COL4A5: variants seen among roughly 807,000 people sequenced by gnomAD.
COL4A5 encodes the protein collagen type IV alpha 5 chain.
A neutral mutation model predicts 130.2 loss-of-function variants in COL4A5; 26 were observed. That is an observed-to-expected ratio of 0.20 (90% CI 0.15 to 0.28). The LOEUF is 0.28. Among genes scored for constraint, COL4A5 ranks in the 10% least tolerant of loss-of-function variants. COL4A5 has a pLI of 1.00. For missense variants in COL4A5, 1,131 were observed against 1,344.3 expected, an observed-to-expected ratio of 0.84 and a Z score of 2.48; for synonymous variants, 496 against 439.6, an observed-to-expected ratio of 1.13 and a Z score of -1.60.
chrX:108,468,914 C>T (rs987033919), intron 1 of COL4A5, among the ~76,000 whole-genome samples: 6 of 110,385 alleles, frequency 5.4e-5, no homozygotes, highest in Non-Finnish European at 9.5e-5. Flanking sequence ...TGGAAGAGTG[C>T]GAGAGTAATT....
intron 1 of COL4A5, among the ~76,000 whole-genome samples, chrX:108,487,444 A>T (rs1312348871): frequency 1.8e-5 from 2 of 109,092 alleles, no homozygotes; most frequent in African/African-American, 6.7e-5. Flanking sequence ...CAGCACATTC[A>T]CACCAACATC....
At chrX:108,502,201 C>T (rs904150986) in intron 1 of COL4A5, among the ~76,000 whole-genome samples, 1 of 112,528 alleles carries the variant, frequency 8.9e-6, no homozygotes, top group Non-Finnish European at 1.9e-5. Flanking sequence ...ATAGTTCTGA[C>T]AGTGGGATTG....
chrX:108,465,887 A>C (rs1015453295), intron 1 of COL4A5, among the ~76,000 whole-genome samples: 1 of 111,177 alleles, frequency 9.0e-6, no homozygotes, highest in Non-Finnish European at 1.9e-5. Context: ...ATGTTATGTG[A>C]CCACTTCTAC....
At chrX:108,644,919 C>CAAAAAAAAAAAAAA (rs778790757) in intron 36 of COL4A5, among the ~76,000 whole-genome samples, 1 of 47,542 alleles carries the variant, frequency 2.1e-5, no homozygotes, top group Non-Finnish European at 5.2e-5. Context: ...ACAACAACAA[C>CAAAAAAAAAAAAAA]AAAAAAAAAA....
At chrX:108,677,063 A>C (rs2068317247) in intron 43 of COL4A5, 1 of 113,103 alleles carries the variant, frequency 8.8e-6, no homozygotes, top group Non-Finnish European at 1.9e-5. Flanking sequence ...CAGTCTCCTC[A>C]GTCTTACGGA....
Position 108,586,649 on chromosome X carries a change from G to C in COL4A5, c.1067G>C (p.Gly356Ala), listed in dbSNP as rs774398576. 1.7e-6 allele frequency: 2 copies of C among 1,204,689 alleles called. No homozygotes were observed. The highest frequency in any genetic ancestry group is 3.5e-5 in the South Asian group (2 of 56,609). The change falls in exon 19 of 53, where the codon GGA becomes GCA. Residue 356 changes from glycine (G) to alanine (A), a missense_variant. Transcript: ENST00000328300. ...IPRPGTGITI[G>A]EKGNIGLPGL... ...AGACCTGGGACTGGTATAACTATAGGAGAAAAAGGAAACATTGGGTTGCCT... is the reference window on the plus strand; with the variant it reads ...AGACCTGGGACTGGTATAACTATAGCAGAAAAAGGAAACATTGGGTTGCCT...
chrX:108,522,808 T>C (rs1201944304), intron 1 of COL4A5, among the ~76,000 whole-genome samples: 1 of 109,151 alleles, frequency 9.2e-6, no homozygotes, highest in African/African-American at 3.3e-5. Flanking sequence ...TGTTTTTAAC[T>C]TTTTTTGTTA....
chrX:108,652,743 T>C (rs1395268481), intron 36 of COL4A5, among the ~76,000 whole-genome samples: 2 of 112,282 alleles, frequency 1.8e-5, no homozygotes, highest in Admixed American at 9.5e-5. Flanking sequence ...AGATATCAAA[T>C]TGACTCCTTT....
intron 1 of COL4A5, among the ~76,000 whole-genome samples, chrX:108,499,781 C>G (rs933570320): frequency 5.4e-5 from 6 of 111,519 alleles, no homozygotes; most frequent in African/African-American, 2.0e-4. Context: ...CTTTTTTTCT[C>G]AAACATACGT....
intron 1 of COL4A5, among the ~76,000 whole-genome samples, chrX:108,470,798 A>G (rs1375600682): frequency 9.0e-6 from 1 of 111,653 alleles, no homozygotes; most frequent in Non-Finnish European, 1.9e-5. Context: ...TAAGTCTTTA[A>G]TCCATCTTGA....
intron 1 of COL4A5, among the ~76,000 whole-genome samples, chrX:108,497,700 G>C (rs2065046545): frequency 9.0e-6 from 1 of 111,428 alleles, no homozygotes; most frequent in Non-Finnish European, 1.9e-5. Context: ...AAATGCTCTG[G>C]ACCTATTTCT....
At chrX:108,675,563 T>A (rs1399384726) in intron 43 of COL4A5, among the ~76,000 whole-genome samples, 2 of 111,490 alleles carry the variant, frequency 1.8e-5, no homozygotes, top group Non-Finnish European at 3.8e-5. Flanking sequence ...AACCTTTTCG[T>A]TATGATTGAG....
At chrX:108,630,202 T>G (rs868593763) in intron 36 of COL4A5, among the ~76,000 whole-genome samples, 1 of 112,006 alleles carries the variant, frequency 8.9e-6, no homozygotes, top group African/African-American at 3.2e-5. Context: ...CTAATGGTAT[T>G]TCTAGTTCTA....
chrX:108,454,297 G>A (rs2064559774), intron 1 of COL4A5, among the ~76,000 whole-genome samples: 1 of 110,588 alleles, frequency 9.0e-6, no homozygotes, highest in Non-Finnish European at 1.9e-5. Context: ...TTTTTGTTTT[G>A]AAGGAATCTT....
rs28410216 is a variant in COL4A5, at chrX:108,577,647, T to A, written c.610-305T>A. Reference sequence around the variant, plus strand: ...CCTAAGTTTACCTATAATTCTGATGTGAAAAATTTGATGGGTCTGTTGAGA... The same window carrying A: ...CCTAAGTTTACCTATAATTCTGATGAGAAAAATTTGATGGGTCTGTTGAGA... On this transcript the variant is annotated intron_variant, in intron 10 of 52. Coordinates refer to ENST00000328300, the MANE Select transcript of COL4A5 (RefSeq NM_033380.3). Among the ~76,000 whole-genome samples the A allele has an allele frequency of 0.093, 10,283 of 110,992 alleles. 1,092 individuals carry two copies. The highest frequency in any genetic ancestry group is 0.31 in the African/African-American group (9,264 of 30,337).
chrX:108,685,449 A>G (rs979696003), intron 47 of COL4A5, among the ~76,000 whole-genome samples: 3 of 112,414 alleles, frequency 2.7e-5, no homozygotes, highest in Non-Finnish European at 5.6e-5. Context: ...AATTTGAACA[A>G]CTAATTAATG....
intron 35 of COL4A5, 84 bp from the exon 36 acceptor site, chrX:108,626,126 C>CT: frequency 1.0e-6 from 1 of 974,703 alleles, no homozygotes; most frequent in South Asian, 2.1e-5. Flanking sequence ...TTTTAAAAAT[C>CT]TTTTTGCTTT....
intron 29 of COL4A5, among the ~76,000 whole-genome samples, chrX:108,609,278 A>C (rs2147838427): frequency 9.0e-6 from 1 of 111,686 alleles, no homozygotes. Flanking sequence ...ATTGTTCCAC[A>C]TTTTCTCAAA....
chrX:108,590,269 T>G (rs1191589309), intron 19 of COL4A5, among the ~76,000 whole-genome samples: 3 of 111,253 alleles, frequency 2.7e-5, no homozygotes, highest in Non-Finnish European at 1.9e-5. Context: ...GCATACTTAA[T>G]TTGCCTTCCT....
Sources: allele counts gnomAD v4.1 joint callset (sites outside exome capture counted in the v4.1 genomes callset), GRCh38; gene constraint gnomAD v4.1.1; transcripts MANE v1.5; gene names NCBI Gene and HGNC (gene_info 2026-07-23, HGNC 2026-07-21).